KCNQ1: variants seen among roughly 807,000 people sequenced by gnomAD.
The protein encoded by KCNQ1 is potassium voltage-gated channel subfamily KQT member 1.
Under a neutral mutation model 72.4 loss-of-function variants are expected in KCNQ1, and 49 were observed. The observed-to-expected ratio is 0.68, with a 90% confidence interval of 0.54 to 0.86. The LOEUF (loss-of-function observed/expected upper bound fraction) is 0.86, where lower values mean the gene tolerates loss of function less well. KCNQ1 is among the 40% of genes least tolerant of loss of function. KCNQ1 has a pLI of 0.00. For synonymous variants in KCNQ1, 450 were observed against 412.6 expected (o/e 1.09, Z -1.10); for missense variants, 790 against 945.1 (o/e 0.84, Z 2.15).
intron 15 of KCNQ1, among the ~76,000 whole-genome samples, chr11:2,810,725 C>T (rs987670396): frequency 2.6e-5 from 4 of 152,214 alleles, no homozygotes; most frequent in Admixed American, 6.5e-5. Flanking sequence ...AATGTTTGCT[C>T]GGGATCTGTG....
At position 2,593,688 on chromosome 11, in the gene KCNQ1, G is replaced by A. The variant is rs2133768068; in HGVS notation, c.1393+4834G>A. 6.6e-6 allele frequency among the ~76,000 whole-genome samples: 1 copy of A among 152,276 alleles called. No individual in the cohort carries two copies. The highest frequency in any genetic ancestry group is 2.1e-4 in the South Asian group (1 of 4,822). ...GTGCTTTCTGGAGGCATGCGTCATG[G>A]AACAGCCTCACCTCTCACTTCTGCA... On this transcript the variant is annotated intron_variant, in intron 10 of 15. Transcript: ENST00000155840. The surrounding 1 kb of genome is among the most constrained non-coding windows in gnomAD (Gnocchi z 6.9).
chr11:2,685,472 A>G (rs1850471300), intron 11 of KCNQ1: 1 of 398,800 alleles, frequency 2.5e-6, no homozygotes, highest in Non-Finnish European at 4.4e-6. Context: ...TGCAACTCCC[A>G]TCTCACAGGC....
At chr11:2,761,807 C>A (rs544165651) in intron 11 of KCNQ1, among the ~76,000 whole-genome samples, 1 of 152,380 alleles carries the variant, frequency 6.6e-6, no homozygotes, top group East Asian at 1.9e-4. Context: ...TGGGCTGGCA[C>A]CCTCAGCCCT....
chr11:2,666,727 C>G (rs943659444), intron 11 of KCNQ1: 12 of 398,698 alleles, frequency 3.0e-5, no homozygotes, highest in Non-Finnish European at 4.9e-5. Flanking sequence ...CCTACTCCCA[C>G]AGACCCCAGG....
chr11:2,662,326 T>C, intron 11 of KCNQ1: 1 of 576,936 alleles, frequency 1.7e-6, no homozygotes, highest in Admixed American at 3.0e-5. Flanking sequence ...GACTGATCAT[T>C]TTCCACTTGT....
At chr11:2,646,660 A>T (rs1849670657) in intron 10 of KCNQ1, 2 of 398,390 alleles carry the variant, frequency 5.0e-6, no homozygotes, top group Admixed American at 4.4e-5. Context: ...TGAGTAGCTG[A>T]ACTTCAGGTG....
rs925319716 is a variant in KCNQ1 at position 2,463,132 on chromosome 11, C to T, written c.386+17648C>T. On this transcript the variant is annotated intron_variant, in intron 1 of 15. Coordinates refer to ENST00000155840, the MANE Select transcript of KCNQ1 (RefSeq NM_000218.3). The surrounding 1 kb of genome is among the most constrained non-coding windows in gnomAD (Gnocchi z 7.0). ...GGGGACGGGGTGGATTCCAGGATTC[C>T]GGGTTGTGCTTGGTCAGAGTGGGGA... Among the ~76,000 whole-genome samples, 10 of 152,058 alleles carry T rather than the reference C, an allele frequency of 6.6e-5. No individual in the cohort carries two copies. Among genetic ancestry groups the T allele is most frequent in the Non-Finnish European group, 5.9e-5 (4 of 67,996 alleles).
At chr11:2,604,094 T>C (rs1226008829) in intron 10 of KCNQ1, among the ~76,000 whole-genome samples, 2 of 152,242 alleles carry the variant, frequency 1.3e-5, no homozygotes, top group Non-Finnish European at 1.5e-5. Context: ...TTTTAGATTG[T>C]TTCCACATTT....
chr11:2,633,039 G>A (rs920854828), intron 10 of KCNQ1: 1 of 398,408 alleles, frequency 2.5e-6, no homozygotes, highest in Non-Finnish European at 4.4e-6. Context: ...CACAAATAGT[G>A]TATTATTTCC....
intron 15 of KCNQ1, among the ~76,000 whole-genome samples, chr11:2,835,213 C>T (rs572891509): frequency 6.6e-6 from 1 of 152,268 alleles, no homozygotes; most frequent in Admixed American, 6.5e-5. Flanking sequence ...CATCCAGGCA[C>T]CTGGAGGGTG....
rs72844254 is a variant in KCNQ1 at position 2,735,998 on chromosome 11, T to G, written c.1515-32846T>G. On this transcript the variant is annotated intron_variant, in intron 11 of 15. Transcript: ENST00000155840. The surrounding 1 kb of genome is among the most constrained non-coding windows in gnomAD (Gnocchi z 7.7). ...TCCAGTGTGTCTGGAGCCCCTTCCC[T>G]GTGTACAAAGGGACAGAGAAGCGAG... Among the ~76,000 whole-genome samples the G allele has an allele frequency of 0.087, 13,183 of 152,208 alleles. 670 individuals carry two copies. Among genetic ancestry groups the G allele is most frequent in the Admixed American group, 0.13 (2,055 of 15,292 alleles).
Position 2,725,889 on chromosome 11 carries a change from G to A in KCNQ1, c.1515-42955G>A, listed in dbSNP as rs567721462. Among the ~76,000 whole-genome samples, 111 of 152,128 alleles carry A rather than the reference G, an allele frequency of 7.3e-4. No individual in the cohort carries two copies. The highest frequency in any genetic ancestry group is 1.3e-3 in the Non-Finnish European group (86 of 68,026). On this transcript the variant is annotated intron_variant, in intron 11 of 15. Coordinates refer to ENST00000155840, the MANE Select transcript of KCNQ1 (RefSeq NM_000218.3). The surrounding 1 kb of genome is among the most constrained non-coding windows in gnomAD (Gnocchi z 7.2). ...AGCGTTTTCTGACTTGGAGAGGCAG[G>A]AGGCCAACTCCCCGCTCCTCAGATT... is the stretch of plus-strand genomic sequence containing the variant.
chr11:2,510,493 G>T (rs1438533590), intron 1 of KCNQ1, among the ~76,000 whole-genome samples: 1 of 151,580 alleles, frequency 6.6e-6, no homozygotes, highest in African/African-American at 2.4e-5. Flanking sequence ...TGTAGTCCCA[G>T]CTACCCTGGA....
intron 11 of KCNQ1, among the ~76,000 whole-genome samples, chr11:2,714,953 A>G (rs231847): frequency 0.64 from 97,164 of 151,368 alleles, 32,584 homozygotes; most frequent in East Asian, 0.9. Context: ...GCACAAAGCC[A>G]GGGGGGAGCC....
chr11:2,483,709 T>C lies in KCNQ1; in HGVS notation c.386+38225T>C, dbSNP rs150312648. Among the ~76,000 whole-genome samples, 1 of 151,716 alleles carries C rather than the reference T, an allele frequency of 6.6e-6. No individual in the cohort carries two copies. Among genetic ancestry groups the C allele is most frequent in the Non-Finnish European group, 1.5e-5 (1 of 67,908 alleles). On this transcript the variant is annotated intron_variant, in intron 1 of 15. Transcript: ENST00000155840. This position sits in a 1 kb window ranked among gnomAD's most constrained non-coding sequence, Gnocchi z 6.1. ...ATTTTTGGCAAGAACACCGCGGGAG[T>C]GTTGTTGGGTCCCGAGGAGTCCCTG...
In KCNQ1 at chr11:2,692,504, T is replaced by C. The variant is rs996749227; in HGVS notation, c.1514+30423T>C. The C allele has an allele frequency of 3.8e-5, 15 of 398,620 alleles. No individual in the cohort carries two copies. The Admixed American group carries it at 6.6e-4, about 18-fold the overall frequency. The allele number at this position is 398,620 out of a possible 1,614,324, so 24.7% of individuals were successfully genotyped here. A position where few individuals can be genotyped will look rare whatever the true frequency, so the allele number is the denominator to read the frequency against. On this transcript the variant is annotated intron_variant, in intron 11 of 15. Coordinates refer to ENST00000155840, the MANE Select transcript of KCNQ1 (RefSeq NM_000218.3). Reference sequence around the variant, plus strand: ...AGTTCAGATGCTTGGCTTCTTTCCATCCCAGGTGCTCACAGGCTCCCTACC... The same window carrying C: ...AGTTCAGATGCTTGGCTTCTTTCCACCCCAGGTGCTCACAGGCTCCCTACC...
rs1035043076 is a variant in KCNQ1, at chr11:2,458,991, C to T, written c.386+13507C>T. Reference sequence around the variant, plus strand: ...CTGCATGTTCCATTTTTGCCCATGCCGCACCTGCCATGGTGCATTTCTGAT... The same window carrying T: ...CTGCATGTTCCATTTTTGCCCATGCTGCACCTGCCATGGTGCATTTCTGAT... On this transcript the variant is annotated intron_variant, in intron 1 of 15. Transcript: ENST00000155840. The surrounding 1 kb of genome is among the most constrained non-coding windows in gnomAD (Gnocchi z 4.6). Among the ~76,000 whole-genome samples the T allele has an allele frequency of 2.6e-5, 4 of 152,148 alleles. No individual in the cohort carries two copies. The highest frequency in any genetic ancestry group is 5.9e-5 in the Non-Finnish European group (4 of 68,028).
In KCNQ1 at chr11:2,617,450, A is replaced by G. The variant is rs1849085458; in HGVS notation, c.1393+28596A>G. On this transcript the variant is annotated intron_variant, in intron 10 of 15. Transcript: ENST00000155840. This position sits in a 1 kb window ranked among gnomAD's most constrained non-coding sequence, Gnocchi z 4.6. ...ATATTCCATTGTAGACATACACACC[A>G]CAGTTTAGTCATCCATCAATGGACA... 1 of 398,324 alleles carries G rather than the reference A, an allele frequency of 2.5e-6. No homozygotes were observed. The highest frequency in any genetic ancestry group is 2.1e-5 in the African/African-American group (1 of 48,610). The allele number at this position is 398,324 out of a possible 1,614,324, so 24.7% of individuals were successfully genotyped here. A position where few individuals can be genotyped will look rare whatever the true frequency, so the allele number is the denominator to read the frequency against.
intron 11 of KCNQ1, chr11:2,675,726 C>T (rs1047661753): frequency 2.5e-6 from 1 of 398,688 alleles, no homozygotes; most frequent in Admixed American, 4.4e-5. Flanking sequence ...TGGAGCAGCC[C>T]CTGCTCCACA....
Sources: gnomAD v4.1 joint callset for allele counts (sites outside exome capture counted in the v4.1 genomes callset) on GRCh38, gnomAD v4.1.1 for gene constraint, Gnocchi (gnomAD v3.1) non-coding constraint, MANE v1.5 for transcripts, NCBI Gene and HGNC (gene_info 2026-07-23, HGNC 2026-07-21) for gene names.